Variants in ATG16L1 observed in about 807,000 individuals in gnomAD.
ATG16L1 encodes autophagy-related protein 16-1.
ATG16L1 carries 37 observed loss-of-function variants against 88.5 expected under a neutral mutation model. The ratio of observed to expected loss-of-function variants is 0.42; its 90% CI spans 0.32 to 0.55. The LOEUF is 0.55. Ranked by LOEUF, ATG16L1 falls within the 20% of genes least tolerant of loss-of-function variation. The pLI is 0.13. For missense variants in ATG16L1, 554 were observed against 752.8 expected, an observed-to-expected ratio of 0.74 and a Z score of 3.09; for synonymous variants, 301 against 281.0, an observed-to-expected ratio of 1.07 and a Z score of -0.71.
chr2:233,284,790 A>G (rs538555129), intron 12 of ATG16L1, among the ~76,000 whole-genome samples: 19 of 152,210 alleles, frequency 1.2e-4, no homozygotes, highest in South Asian at 2.1e-4. Context: ...TCTTAAATCT[A>G]CAAGGGAGGT....
chr2:233,251,829 TGTC>T lies in ATG16L1; in HGVS notation c.7_9del (p.Ser3?), dbSNP rs540309156. ...TGAGGTGCCGGGGCAGCAAGTGACA[TGTC>T]GTCGGGCCTCCGCGCCGCTGACTTC... On this transcript the variant is annotated start_lost and inframe_deletion, in exon 1 of 18. Coordinates refer to ENST00000392017, the MANE Select transcript of ATG16L1 (RefSeq NM_030803.7). 8.9e-5 allele frequency: 138 copies of T among 1,549,844 alleles called. 1 individual carries two copies. In the South Asian group the frequency reaches 9.4e-4, roughly 11 times the overall value.
chr2:233,264,644 A>G (rs535750437), intron 4 of ATG16L1, among the ~76,000 whole-genome samples: 2 of 152,244 alleles, frequency 1.3e-5, no homozygotes, highest in Admixed American at 1.3e-4. Context: ...CCTCCTTTTA[A>G]ATCCCCTTTA....
At chr2:233,258,742 G>A (rs1052400274) in intron 2 of ATG16L1, among the ~76,000 whole-genome samples, 3 of 152,200 alleles carry the variant, frequency 2.0e-5, no homozygotes, top group Non-Finnish European at 4.4e-5. Flanking sequence ...TGTTGCCCAG[G>A]CTGGAGTGCA....
chr2:233,281,196 A>T (rs371252781), intron 11 of ATG16L1, 21 bp downstream of exon 11: 20 of 1,515,790 alleles, frequency 1.3e-5, no homozygotes, highest in Non-Finnish European at 1.8e-5. Flanking sequence ...AATAGCTATG[A>T]TTTTAAAGGT....
Position 233,270,009 on chromosome 2 carries a change from C to G in ATG16L1, c.649C>G (p.Gln217Glu). ...TTTTTTTTTTCCCAACAGGAGGCGG[C>G]AAGCCCGGCTGCAGAAAGAGCTTGC... Reference protein sequence around the residue: ...AENEKDSRRRQARLQKELAEA... With the variant: ...AENEKDSRRREARLQKELAEA... Residue 217 changes from glutamine (Q) to glutamate (E), a missense_variant, in exon 6 of 18, where the codon CAA becomes GAA. Around this residue, in one of 5 missense-constraint regions of ATG16L1, gnomAD observed 370 missense variants for 509.7 expected, o/e 0.73. Coordinates refer to ENST00000392017, the MANE Select transcript of ATG16L1 (RefSeq NM_030803.7). The G allele has an allele frequency of 6.4e-7, 1 of 1,570,116 alleles. No homozygotes were observed. Among genetic ancestry groups the G allele is most frequent in the Non-Finnish European group, 8.6e-7 (1 of 1,162,422 alleles).
At chr2:233,258,788 C>T (rs1001288511) in intron 2 of ATG16L1, among the ~76,000 whole-genome samples, 1 of 152,146 alleles carries the variant, frequency 6.6e-6, no homozygotes, top group African/African-American at 2.4e-5. Flanking sequence ...CCTCAACTTC[C>T]AGGGCTCAAG....
At chr2:233,273,187 C>T in intron 7 of ATG16L1, 135 bp downstream of exon 7, 2 of 682,170 alleles carry the variant, frequency 2.9e-6, no homozygotes, top group Admixed American at 4.9e-5. Flanking sequence ...GCGTCGAACA[C>T]ACCACAGAGG....
rs1279135981 is a variant in ATG16L1 at position 233,265,035 on chromosome 2, G to A, written c.533G>A (p.Gly178Glu). The change falls in exon 5 of 18, where the codon GGA (glycine) becomes GAA (glutamate). Residue 178 changes from glycine to glutamate, a missense_variant. Physicochemically the swap from Gly to Glu is moderately conservative, Grantham distance 98. Transcript: ENST00000392017. ...CAGATCACTTTTACTGCCTTGGAGG[G>A]AAAACTGAGGAAAACTACGGAAGAG... ...ALQITFTALE[G>E]KLRKTTEENQ... 4.3e-6 allele frequency: 7 copies of A among 1,614,056 alleles called. No individual in the cohort carries two copies. The highest frequency in any genetic ancestry group is 3.4e-6 in the Non-Finnish European group (4 of 1,180,052).
chr2:233,267,196 A>G (rs1047669007), intron 5 of ATG16L1, among the ~76,000 whole-genome samples: 1 of 152,176 alleles, frequency 6.6e-6, no homozygotes, highest in Non-Finnish European at 1.5e-5. Flanking sequence ...TAAAAATACG[A>G]AAATTAGCCG....
intron 6 of ATG16L1, 53 bp from the exon 7 acceptor site, chr2:233,272,913 T>A: frequency 1.3e-6 from 2 of 1,504,246 alleles, no homozygotes; most frequent in Non-Finnish European, 1.9e-6. Flanking sequence ...GCGGAACCGA[T>A]TAATCACAGA....
At position 233,293,311 on chromosome 2, in the gene ATG16L1, A is replaced by G. The variant is rs1699591807; in HGVS notation, c.1684A>G (p.Ser562Gly). Residue 562 changes from serine to glycine, a missense_variant, in exon 17 of 18, where the codon AGT becomes GGT. Transcript: ENST00000392017. ...GSAEGSLYIWSVLTGKVEKVL... is the reference protein window; with the variant it reads ...GSAEGSLYIWGVLTGKVEKVL... ...TGCTGAGGGCTCTCTGTATATCTGG[A>G]GTGTGCTCACAGGGAAAGTGGAAAA... is the stretch of plus-strand genomic sequence containing the variant. 1.4e-5 allele frequency: 22 copies of G among 1,613,992 alleles called. No individual in the cohort carries two copies. The highest frequency in any genetic ancestry group is 1.9e-5 in the Non-Finnish European group (22 of 1,180,028).
intron 10 of ATG16L1, among the ~76,000 whole-genome samples, chr2:233,279,378 C>T (rs1167360246): frequency 6.6e-6 from 1 of 152,044 alleles, no homozygotes. Flanking sequence ...AAGAAACGAA[C>T]ATCAGTTGAA....
At chr2:233,268,359 T>C (rs1445858314) in intron 5 of ATG16L1, among the ~76,000 whole-genome samples, 1 of 152,196 alleles carries the variant, frequency 6.6e-6, no homozygotes, top group African/African-American at 2.4e-5. Flanking sequence ...CTCAGGAGGC[T>C]GAGACAGGAG....
At chr2:233,253,791 G>T (rs1014885918) in intron 1 of ATG16L1, among the ~76,000 whole-genome samples, 5 of 152,194 alleles carry the variant, frequency 3.3e-5, no homozygotes, top group African/African-American at 1.2e-4. Context: ...TGTTCTAGGA[G>T]GCCCTGAAGA....
chr2:233,271,327 G>A (rs911081089), intron 6 of ATG16L1, among the ~76,000 whole-genome samples: 3 of 152,196 alleles, frequency 2.0e-5, no homozygotes, highest in African/African-American at 7.2e-5. Context: ...GGCCCAGGCT[G>A]GAGTGCAATG....
chr2:233,279,162 A>G (rs1698565748), intron 10 of ATG16L1, among the ~76,000 whole-genome samples: 1 of 152,228 alleles, frequency 6.6e-6, no homozygotes, highest in Admixed American at 6.5e-5. Flanking sequence ...TGGGCAGCAG[A>G]GCAAGACCCT....
At chr2:233,267,936 G>A (rs886550016) in intron 5 of ATG16L1, among the ~76,000 whole-genome samples, 4 of 152,166 alleles carry the variant, frequency 2.6e-5, no homozygotes, top group African/African-American at 9.7e-5. Flanking sequence ...GGGACCTGAG[G>A]AGTCTTCATT....
At chr2:233,281,215 ATAATT>A (rs1698698261) in intron 11 of ATG16L1, 40 bp downstream of exon 11, 2 of 1,427,032 alleles carry the variant, frequency 1.4e-6, no homozygotes, top group South Asian at 2.6e-5. Flanking sequence ...GTTTTTAGAA[ATAATT>A]TAAGACATTA....
intron 7 of ATG16L1, 126 bp downstream of exon 7, chr2:233,273,178 C>T (rs1463953889): frequency 1.5e-5 from 11 of 714,244 alleles, no homozygotes; most frequent in South Asian, 6.7e-5. Context: ...GGACACCCAG[C>T]GTCGAACACA....
Sources: allele counts gnomAD v4.1 joint callset (sites outside exome capture counted in the v4.1 genomes callset), GRCh38; gene constraint gnomAD v4.1.1; regional missense constraint gnomAD v4.1.1; transcripts MANE v1.5; gene names NCBI Gene and HGNC (gene_info 2026-07-23, HGNC 2026-07-21).